Variants in LEMD3 observed in about 807,000 individuals in gnomAD.
LEMD3 encodes LEM domain containing 3, also known as inner nuclear membrane protein Man1.
A neutral mutation model predicts 95.2 loss-of-function variants in LEMD3; 33 were observed. The ratio of observed to expected loss-of-function variants is 0.35; its 90% CI spans 0.26 to 0.46. The LOEUF (loss-of-function observed/expected upper bound fraction) is 0.46. Ranked by LOEUF, LEMD3 falls within the 20% of genes least tolerant of loss-of-function variation. LEMD3 has a pLI of 1.00. For missense variants in LEMD3, 1,210 were observed against 1,192.8 expected, an observed-to-expected ratio of 1.01 and a Z score of -0.21; for synonymous variants, 525 against 474.6, an observed-to-expected ratio of 1.11 and a Z score of -1.38.
intron 4 of LEMD3, 120 bp downstream of exon 4, chr12:65,218,739 G>A (rs1244375020): frequency 4.0e-6 from 2 of 502,240 alleles, no homozygotes; most frequent in Non-Finnish European, 3.6e-6. Context: ...TGGGCCTGCT[G>A]TTTGGTATAA....
intron 4 of LEMD3, among the ~76,000 whole-genome samples, chr12:65,235,351 CATA>C: frequency 6.6e-6 from 1 of 152,082 alleles, no homozygotes; most frequent in South Asian, 2.1e-4. Context: ...AACTTTATTG[CATA>C]ATATTTTAAA....
At chr12:65,201,844 T>TG (rs1869609383) in intron 1 of LEMD3, among the ~76,000 whole-genome samples, 1 of 152,146 alleles carries the variant, frequency 6.6e-6, no homozygotes, top group Admixed American at 6.6e-5. Flanking sequence ...AAGACATCCT[T>TG]GCTTCATTGT....
chr12:65,193,599 G>A (rs186212640), intron 1 of LEMD3, among the ~76,000 whole-genome samples: 42 of 152,242 alleles, frequency 2.8e-4, no homozygotes, highest in African/African-American at 9.4e-4. Context: ...TTATTGGAAA[G>A]CTGCTGATCA....
chr12:65,238,649 CCTTA>C lies in LEMD3; in HGVS notation c.1776-15_1776-12del, dbSNP rs781186127. ...AAATGGTTTTTGACTTTAAATTCTA[CCTTA>C]CTTATTTTTAAATAGGTGTGTTGGT... On this transcript the variant is annotated splice_polypyrimidine_tract_variant and intron_variant, in intron 5 of 12. Transcript: ENST00000308330. 3 of 1,613,822 alleles carry C rather than the reference CCTTA, an allele frequency of 1.9e-6. No individual in the cohort carries two copies. The highest frequency in any genetic ancestry group is 2.2e-5 in the East Asian group (1 of 44,842).
At chr12:65,206,020 A>C (rs1426470082) in intron 1 of LEMD3, among the ~76,000 whole-genome samples, 1 of 152,132 alleles carries the variant, frequency 6.6e-6, no homozygotes, top group Admixed American at 6.6e-5. Context: ...TGTTGCAAAA[A>C]CATGTCCTGC....
At chr12:65,192,442 C>T (rs1263704471) in intron 1 of LEMD3, among the ~76,000 whole-genome samples, 3 of 152,084 alleles carry the variant, frequency 2.0e-5, no homozygotes, top group Admixed American at 6.6e-5. Context: ...GCCCTATACC[C>T]GTCTTCCTTC....
Position 65,246,192 on chromosome 12 carries a change from T to G in LEMD3, c.2603T>G (p.Leu868Arg). 1 of 1,612,050 alleles carries G rather than the reference T, an allele frequency of 6.2e-7. No homozygotes were observed. Among genetic ancestry groups the G allele is most frequent in the East Asian group, 2.2e-5 (1 of 44,852 alleles). The change falls in exon 13 of 13, where the codon CTA becomes CGA. Residue 868 changes from leucine to arginine, a missense_variant. Leu to Arg is a moderately radical substitution (Grantham distance 102). Transcript: ENST00000308330. Reference protein sequence around the residue: ...GKLVTVKYLRLDRYHHRFPQA... With the variant: ...GKLVTVKYLRRDRYHHRFPQA... ...TTGGTTACAGTAAAATATTTACGACTAGATAGATACCACCATCGCTTTCCC... is the reference window on the plus strand; with the variant it reads ...TTGGTTACAGTAAAATATTTACGACGAGATAGATACCACCATCGCTTTCCC...
intron 1 of LEMD3, among the ~76,000 whole-genome samples, chr12:65,195,263 C>G (rs2136327128): frequency 1.3e-5 from 2 of 152,096 alleles, no homozygotes; most frequent in Non-Finnish European, 2.9e-5. Flanking sequence ...TTTGGCAATA[C>G]CATCCGGATG....
At position 65,238,535 on chromosome 12, in the gene LEMD3, A is replaced by T. The variant is rs745760794; in HGVS notation, c.1729A>T (p.Thr577Ser). ...LGPEYEGIFN[T>S]SLQWILENGK... ...TCCTGAATATGAAGGTATATTTAAC[A>T]CTTCATTGCAGTGGATCTTAGAAAA... The change falls in exon 5 of 13, where the codon ACT becomes TCT. Residue 577 changes from threonine to serine, a missense_variant. By Grantham distance (58) the Thr-to-Ser change is moderately conservative (BLOSUM62 1). Coordinates refer to ENST00000308330, the MANE Select transcript of LEMD3 (RefSeq NM_014319.5). The T allele has an allele frequency of 2.5e-6, 4 of 1,609,264 alleles. No individual in the cohort carries two copies. The South Asian group carries it at 4.4e-5, about 18-fold the overall frequency.
At chr12:65,241,161 C>T in intron 9 of LEMD3, 74 bp downstream of exon 9, 1 of 1,285,680 alleles carries the variant, frequency 7.8e-7, no homozygotes, top group Admixed American at 1.8e-5. Flanking sequence ...TTAAGTGAAA[C>T]AGTACAATTC....
chr12:65,186,333 A>C (rs891085787), intron 1 of LEMD3, among the ~76,000 whole-genome samples: 8 of 152,116 alleles, frequency 5.3e-5, no homozygotes, highest in Non-Finnish European at 1.2e-4. Context: ...ATTTTACTTA[A>C]ATTTTAACAA....
chr12:65,245,697 A>G lies in LEMD3; in HGVS notation c.2416A>G (p.Ile806Val). Reference protein sequence around the residue: ...MEIGDQWHLAIQEAILEKCSD... With the variant: ...MEIGDQWHLAVQEAILEKCSD... ...AATAGGGGATCAGTGGCATTTGGCA[A>G]TTCAAGAAGCAATTTTAGAAAAATG... Residue 806 changes from isoleucine (I) to valine (V), a missense_variant, in exon 11 of 13, where the codon ATT (isoleucine) becomes GTT (valine). Coordinates refer to ENST00000308330, the MANE Select transcript of LEMD3 (RefSeq NM_014319.5). 11 of 1,613,856 alleles carry G rather than the reference A, an allele frequency of 6.8e-6. No individual in the cohort carries two copies. Among genetic ancestry groups the G allele is most frequent in the Non-Finnish European group, 9.3e-6 (11 of 1,179,834 alleles).
chr12:65,238,161 A>G (rs1303842994), intron 4 of LEMD3, among the ~76,000 whole-genome samples: 5 of 151,976 alleles, frequency 3.3e-5, no homozygotes, highest in Non-Finnish European at 2.9e-5. Context: ...TGTAATCCCA[A>G]CTACTTGGGA....
chr12:65,170,050 G>C lies in LEMD3; in HGVS notation c.454G>C (p.Asp152His). The C allele has an allele frequency of 1.3e-6, 2 of 1,516,618 alleles. No individual in the cohort carries two copies. Among genetic ancestry groups the C allele is most frequent in the Non-Finnish European group, 1.8e-6 (2 of 1,140,102 alleles). 93.9% of individuals were successfully genotyped at this position (1,516,618 alleles called of 1,614,324 possible). Residue 152 changes from aspartate (D) to histidine (H), a missense_variant, in exon 1 of 13, where the codon GAC becomes CAC. Physicochemically the swap from Asp to His is moderately conservative, Grantham distance 81 (BLOSUM62 -1). This residue lies in a region of LEMD3 where 749 missense variants were observed against 622.9 expected (regional missense o/e 1.20). Coordinates refer to ENST00000308330, the MANE Select transcript of LEMD3 (RefSeq NM_014319.5). ...DESDVEASPR[D>H]QAGGGGRKDR... is the part of the protein sequence containing the mutation. ...GTCGGACGTGGAGGCCAGTCCCCGG[G>C]ACCAGGCCGGCGGCGGCGGGAGGAA...
intron 1 of LEMD3, among the ~76,000 whole-genome samples, chr12:65,191,976 A>C (rs1198465727): frequency 6.6e-6 from 1 of 151,012 alleles, no homozygotes; most frequent in Non-Finnish European, 1.5e-5. Flanking sequence ...AATTTTGGGA[A>C]AGTTTGTCAA....
chr12:65,169,954 G>A lies in LEMD3; in HGVS notation c.358G>A (p.Gly120Arg). Residue 120 changes from glycine (G) to arginine (R), a missense_variant, in exon 1 of 13, where the codon GGA becomes AGA. This residue lies in a region of LEMD3 where 749 missense variants were observed against 622.9 expected (regional missense o/e 1.20). Coordinates refer to ENST00000308330, the MANE Select transcript of LEMD3 (RefSeq NM_014319.5). ...ISASGPESLL[G>R]GPGGASAAPA... is the part of the protein sequence containing the mutation. The stretch of plus-strand genomic sequence containing the variant: ...GGCCTCTGGCCCAGAGAGCCTCCTG[G>A]GAGGGCCCGGGGGCGCCTCCGCCGC... 1.4e-6 allele frequency: 2 copies of A among 1,459,142 alleles called. No homozygotes were observed. The highest frequency in any genetic ancestry group is 2.9e-5 in the South Asian group (2 of 69,712). 90.4% of individuals were successfully genotyped at this position (1,459,142 alleles called of 1,614,324 possible).
intron 5 of LEMD3, 34 bp from the exon 6 acceptor site, chr12:65,238,635 G>A (rs1870842566): frequency 1.2e-5 from 20 of 1,613,520 alleles, no homozygotes; most frequent in Non-Finnish European, 1.6e-5. Context: ...AATGGTTTTT[G>A]ACTTTAAATT....
chr12:65,228,500 A>T (rs1043984988), intron 4 of LEMD3, among the ~76,000 whole-genome samples: 8 of 150,938 alleles, frequency 5.3e-5, no homozygotes, highest in African/African-American at 1.9e-4. Context: ...GGTTCATGCC[A>T]TTCTCCTGCC....
At chr12:65,189,647 C>A (rs990592672) in intron 1 of LEMD3, among the ~76,000 whole-genome samples, 2 of 152,326 alleles carry the variant, frequency 1.3e-5, no homozygotes, top group East Asian at 3.9e-4. Context: ...TAATTTTTCT[C>A]TCTACAGCTG....
Sources: gnomAD v4.1 joint callset for allele counts (sites outside exome capture counted in the v4.1 genomes callset) on GRCh38, gnomAD v4.1.1 for gene constraint, gnomAD v4.1.1 regional missense constraint, MANE v1.5 for transcripts, NCBI Gene and HGNC (gene_info 2026-07-23, HGNC 2026-07-21) for gene names.